The following MICAL2 variants were observed in gnomAD, a reference collection of about 807,000 sequenced individuals.
MICAL2 encodes the protein [F-actin]-monooxygenase MICAL2.
In MICAL2, 77 loss-of-function variants were observed where a neutral mutation model predicts 127.3. The ratio of observed to expected loss-of-function variants is 0.60; its 90% CI spans 0.50 to 0.73. The LOEUF is 0.73. MICAL2 is among the 30% of genes least tolerant of loss of function. The pLI, the probability that MICAL2 is intolerant of heterozygous loss-of-function variation, is 0.00. For missense variants in MICAL2, 1,351 were observed against 1,434.4 expected (o/e 0.94, Z 0.94); for synonymous variants, 570 against 551.1 (o/e 1.03, Z -0.48).
intron 2 of MICAL2, among the ~76,000 whole-genome samples, chr11:12,158,655 G>A (rs1167244002): frequency 6.6e-6 from 1 of 152,238 alleles, no homozygotes; most frequent in African/African-American, 2.4e-5. Context: ...ACGAGAGAAT[G>A]TGTGTAAGTT....
intron 3 of MICAL2, among the ~76,000 whole-genome samples, chr11:12,162,620 T>G (rs1854956615): frequency 6.6e-6 from 1 of 152,214 alleles, no homozygotes; most frequent in South Asian, 2.1e-4. Flanking sequence ...TCGTGCCCTC[T>G]CCAAGGGAGG....
chr11:12,110,721 C>G lies in MICAL2; in HGVS notation c.-154C>G, dbSNP rs1849526898. The G allele has an allele frequency of 7.2e-6, 1 of 139,752 alleles. No homozygotes were observed. Among genetic ancestry groups the G allele is most frequent in the Non-Finnish European group, 1.6e-5 (1 of 64,478 alleles). The allele number at this position is 139,752 out of a possible 1,614,324, so 8.7% of individuals were successfully genotyped here. A position where few individuals can be genotyped will look rare whatever the true frequency, so the allele number is the denominator to read the frequency against. Reference sequence around the variant, plus strand: ...ACCCGGGGCCGGGCAGCCCGCGCGACTTTCGGTAAGGCGGGGGCGGCGCTG... The same window carrying G: ...ACCCGGGGCCGGGCAGCCCGCGCGAGTTTCGGTAAGGCGGGGGCGGCGCTG... On this transcript the variant is annotated 5_prime_UTR_variant, in exon 1 of 28. Coordinates refer to ENST00000683283, the MANE Select transcript of MICAL2 (RefSeq NM_001282663.2). The surrounding 1 kb of genome is among the most constrained non-coding windows in gnomAD (Gnocchi z 4.5).
At position 12,204,274 on chromosome 11, in the gene MICAL2, T is replaced by C; in HGVS notation, c.289T>C (p.Cys97Arg). The change falls in exon 4 of 28, where the codon TGT becomes CGT. Residue 97 changes from cysteine (C) to arginine (R), a missense_variant. By Grantham distance (180) the Cys-to-Arg change is radical (BLOSUM62 -3). Coordinates refer to ENST00000683283, the MANE Select transcript of MICAL2 (RefSeq NM_001282663.2). ...TKCLIVGGGP[C>R]GLRTAIELAY... is the part of the protein sequence containing the mutation. ...GTGTCTCATAGTTGGGGGAGGACCC[T>C]GTGGCTTGCGCACTGCCATTGAACT... 6.2e-7 allele frequency: 1 copy of C among 1,614,042 alleles called. No individual in the cohort carries two copies. The highest frequency in any genetic ancestry group is 8.5e-7 in the Non-Finnish European group (1 of 1,179,962).
intron 3 of MICAL2, among the ~76,000 whole-genome samples, chr11:12,181,456 T>A (rs1180315304): frequency 1.3e-5 from 2 of 152,240 alleles, no homozygotes; most frequent in Non-Finnish European, 2.9e-5. Flanking sequence ...AGCTTCAATG[T>A]CTAATTTATT....
intron 29 of MICAL2, among the ~76,000 whole-genome samples, chr11:12,302,089 G>T (rs997798320): frequency 2.0e-5 from 3 of 152,146 alleles, no homozygotes; most frequent in African/African-American, 7.2e-5. Flanking sequence ...CTTAGTGATT[G>T]GGTCCTGAGC....
chr11:12,200,195 A>G (rs1332481367), intron 3 of MICAL2, among the ~76,000 whole-genome samples: 1 of 152,222 alleles, frequency 6.6e-6, no homozygotes, highest in African/African-American at 2.4e-5. Flanking sequence ...GACACGGAAA[A>G]TATGACCCGC....
At chr11:12,191,394 C>A (rs1241287549) in intron 3 of MICAL2, among the ~76,000 whole-genome samples, 2 of 151,448 alleles carry the variant, frequency 1.3e-5, no homozygotes, top group African/African-American at 4.9e-5. Context: ...GTTGCTTGAA[C>A]CTGGAAGGCG....
intron 1 of MICAL2, among the ~76,000 whole-genome samples, chr11:12,278,864 T>C (rs1863745428): frequency 6.6e-6 from 1 of 152,184 alleles, no homozygotes; most frequent in Non-Finnish European, 1.5e-5. Context: ...GTGGAGAAAG[T>C]CAAGAGTTCT....
downstream of MICAL2, chr11:12,294,050 G>A (rs770011292): frequency 6.2e-7 from 1 of 1,614,188 alleles, no homozygotes; most frequent in Non-Finnish European, 8.5e-7. Flanking sequence ...CCTCAAAGCT[G>A]GGGAGCGAAT....
intron 6 of MICAL2, among the ~76,000 whole-genome samples, chr11:12,210,932 C>T (rs572726018): frequency 2.2e-4 from 33 of 152,328 alleles, no homozygotes; most frequent in East Asian, 2.1e-3. Flanking sequence ...CCCCCAGGTG[C>T]GACAACCAAA....
rs541810174 is a variant in MICAL2 at position 12,301,919 on chromosome 11, C to T, written c.5212+7062C>T. 5.3e-5 allele frequency among the ~76,000 whole-genome samples: 8 copies of T among 152,266 alleles called. No individual in the cohort carries two copies. In the East Asian group the frequency reaches 1.4e-3, roughly 26 times the overall value. On this transcript the variant is annotated intron_variant, in intron 29 of 34. Coordinates refer to the MICAL2 transcript ENST00000646065. ...GTAGGAGATACACATATGTCTCAAA[C>T]GGACAGAGAAAGGATTCATGTTGTA... is the stretch of plus-strand genomic sequence containing the variant.
chr11:12,349,212 C>A (rs1245533766), intron 32 of MICAL2, among the ~76,000 whole-genome samples: 1 of 152,162 alleles, frequency 6.6e-6, no homozygotes, highest in Non-Finnish European at 1.5e-5. Context: ...TCTCGTGATT[C>A]TTCTTCTGTT....
intron 22 of MICAL2, among the ~76,000 whole-genome samples, chr11:12,251,985 CTG>C (rs1232026249): frequency 1.3e-5 from 2 of 152,222 alleles, no homozygotes; most frequent in African/African-American, 4.8e-5. Flanking sequence ...CTTGGCATCA[CTG>C]TGGTGCCTTT....
intron 24 of MICAL2, chr11:12,257,310 G>A: frequency 4.2e-6 from 1 of 238,604 alleles, no homozygotes; most frequent in Non-Finnish European, 8.0e-6. Flanking sequence ...ACTCTCCATT[G>A]CATGCTCAGC....
At chr11:12,177,975 T>A (rs1256473084) in intron 3 of MICAL2, among the ~76,000 whole-genome samples, 1 of 152,246 alleles carries the variant, frequency 6.6e-6, no homozygotes, top group Non-Finnish European at 1.5e-5. Flanking sequence ...TCCAGGGTGA[T>A]AAGAGTGTCT....
chr11:12,192,575 C>T (rs1016302191), intron 3 of MICAL2, among the ~76,000 whole-genome samples: 8 of 152,040 alleles, frequency 5.3e-5, no homozygotes, highest in Admixed American at 4.6e-4. Flanking sequence ...GTCAGGAGTT[C>T]GAGACCAGCC....
At chr11:12,180,377 T>G (rs1371044341) in intron 3 of MICAL2, among the ~76,000 whole-genome samples, 1 of 151,048 alleles carries the variant, frequency 6.6e-6, no homozygotes, top group Non-Finnish European at 1.5e-5. Flanking sequence ...AGGTTTCCCA[T>G]GAAGGGCATA....
intron 1 of MICAL2, among the ~76,000 whole-genome samples, chr11:12,131,407 C>T (rs1851406829): frequency 6.6e-6 from 1 of 152,096 alleles, no homozygotes; most frequent in Admixed American, 6.5e-5. Flanking sequence ...ATCCTCCAAG[C>T]TGGCTGGTCT....
At chr11:12,183,708 G>A (rs75601669) in intron 3 of MICAL2, among the ~76,000 whole-genome samples, 15,148 of 152,222 alleles carry the variant, frequency 0.1, 1,235 homozygotes, top group African/African-American at 0.22. Context: ...AGACGGTGGT[G>A]TGGCACAGGG....
Sources: gnomAD v4.1 joint callset for allele counts (sites outside exome capture counted in the v4.1 genomes callset) on GRCh38, gnomAD v4.1.1 for gene constraint, Gnocchi (gnomAD v3.1) non-coding constraint, MANE v1.5 for transcripts, NCBI Gene and HGNC (gene_info 2026-07-23, HGNC 2026-07-21) for gene names.